SGCG: variants seen among roughly 807,000 people sequenced by gnomAD.
SGCG encodes the protein sarcoglycan gamma.
In SGCG, 26 loss-of-function variants were observed where a neutral mutation model predicts 29.3. That is an observed-to-expected ratio of 0.89 (90% CI 0.65 to 1.23). The LOEUF (loss-of-function observed/expected upper bound fraction) is 1.23, where lower values mean the gene tolerates loss of function less well. SGCG is among the 50% of genes most tolerant of loss of function. The pLI, the probability that SGCG is intolerant of heterozygous loss-of-function variation, is 0.00. For synonymous variants in SGCG, 145 were observed against 129.7 expected (o/e 1.12, Z -0.80); for missense variants, 353 against 356.0 (o/e 0.99, Z 0.07).
intron 4 of SGCG, among the ~76,000 whole-genome samples, chr13:23,255,532 T>C (rs528905360): frequency 2.0e-5 from 3 of 152,194 alleles, no homozygotes; most frequent in African/African-American, 7.2e-5. Context: ...AAGAGTGATA[T>C]GGTTTGAATA....
Position 23,186,596 on chromosome 13 carries a change from G to A in SGCG, c.-1+5521G>A, listed in dbSNP as rs374718955. ...ATATATCCTATCCACTGGGGATGGA[G>A]CGCCATAATGGTCATTGATTTTGGA... On this transcript the variant is annotated intron_variant, in intron 1 of 7. Transcript: ENST00000218867. Among the ~76,000 whole-genome samples, 7 of 152,308 alleles carry A rather than the reference G, an allele frequency of 4.6e-5. No homozygotes were observed. In the East Asian group the frequency reaches 7.7e-4, roughly 17 times the overall value.
At chr13:23,271,046 T>C (rs1267294909) in intron 4 of SGCG, among the ~76,000 whole-genome samples, 1 of 152,050 alleles carries the variant, frequency 6.6e-6, no homozygotes, top group East Asian at 1.9e-4. Context: ...ACCCCGTCTC[T>C]ATTAAAAATA....
At chr13:23,267,833 A>C (rs1454716746) in intron 4 of SGCG, 1 of 152,196 alleles carries the variant, frequency 6.6e-6, no homozygotes, top group Non-Finnish European at 1.5e-5. Context: ...GCTGCTTTGA[A>C]ATTCTTCTAA....
At chr13:23,265,002 T>C (rs1177835292) in intron 4 of SGCG, among the ~76,000 whole-genome samples, 1 of 152,084 alleles carries the variant, frequency 6.6e-6, no homozygotes, top group Non-Finnish European at 1.5e-5. Flanking sequence ...TAGAAAACTC[T>C]TCTGGACAAT....
chr13:23,234,753 AAT>A, intron 3 of SGCG, 41 bp downstream of exon 3: 2 of 1,369,966 alleles, frequency 1.5e-6, no homozygotes, highest in Non-Finnish European at 2.1e-6. Flanking sequence ...CTTTATGAAA[AAT>A]AAATCATGTT....
At chr13:23,181,895 G>A (rs891245061) in intron 1 of SGCG, among the ~76,000 whole-genome samples, 11 of 152,170 alleles carry the variant, frequency 7.2e-5, no homozygotes, top group African/African-American at 1.2e-4. Flanking sequence ...GGAATACACC[G>A]TTTGTTTTTT....
At chr13:23,198,754 G>A (rs961596848) in intron 1 of SGCG, among the ~76,000 whole-genome samples, 1 of 151,734 alleles carries the variant, frequency 6.6e-6, no homozygotes, top group Non-Finnish European at 1.5e-5. Flanking sequence ...GCTGAGGCAG[G>A]AGAATCGCTT....
upstream of SGCG, among the ~76,000 whole-genome samples, chr13:23,179,004 C>T (rs978189772): frequency 1.3e-5 from 2 of 152,142 alleles, no homozygotes; most frequent in African/African-American, 4.8e-5. Flanking sequence ...GGTTGGAGCA[C>T]GTTTACAGTG....
chr13:23,223,922 C>T (rs4375523), intron 2 of SGCG, among the ~76,000 whole-genome samples: 13,990 of 152,032 alleles, frequency 0.092, 852 homozygotes, highest in South Asian at 0.2. Flanking sequence ...GCTGAGATCA[C>T]GCCATTGCAT....
intron 1 of SGCG, among the ~76,000 whole-genome samples, chr13:23,188,311 CTTTTTTTTTTTTTTTT>C (rs71100159): frequency 5.1e-5 from 4 of 78,348 alleles, no homozygotes; most frequent in Admixed American, 1.7e-4. Flanking sequence ...TTTACTAAGG[CTTTTTTTTTTTTTTTT>C]TTTTTTTTTT....
intron 6 of SGCG, among the ~76,000 whole-genome samples, chr13:23,312,616 G>A (rs1231512723): frequency 1.3e-5 from 2 of 152,152 alleles, no homozygotes; most frequent in Non-Finnish European, 2.9e-5. Context: ...GGAGGATCAG[G>A]GGGTGAGGGA....
At chr13:23,269,535 C>A (rs957304406) in intron 4 of SGCG, among the ~76,000 whole-genome samples, 1 of 152,154 alleles carries the variant, frequency 6.6e-6, no homozygotes, top group African/African-American at 2.4e-5. Flanking sequence ...GTTTATCCAT[C>A]CTCCATTTCA....
intron 4 of SGCG, among the ~76,000 whole-genome samples, chr13:23,275,878 T>A (rs1205837949): frequency 6.6e-6 from 1 of 152,192 alleles, no homozygotes; most frequent in Non-Finnish European, 1.5e-5. Context: ...TGTTTCTAAA[T>A]GATTTTATTT....
At chr13:23,292,119 C>CTTTTTTTTTTTT (rs71100167) in intron 5 of SGCG, among the ~76,000 whole-genome samples, 11 of 147,540 alleles carry the variant, frequency 7.5e-5, no homozygotes, top group South Asian at 4.3e-4. Context: ...ACATTTCTTT[C>CTTTTTTTTTTTT]TTTTTTTTGA....
intron 4 of SGCG, among the ~76,000 whole-genome samples, chr13:23,272,828 T>G (rs1164327067): frequency 1.3e-5 from 2 of 152,182 alleles, no homozygotes; most frequent in African/African-American, 4.8e-5. Flanking sequence ...TTTAATGAGA[T>G]CAATTTTAGC....
At chr13:23,304,610 C>T (rs150099422) in intron 6 of SGCG, among the ~76,000 whole-genome samples, 4,745 of 150,066 alleles carry the variant, frequency 0.032, 129 homozygotes, top group Non-Finnish European at 0.05. Context: ...TTTTTGGCGG[C>T]GGGGAGGGGA....
At chr13:23,161,920 C>T in the SGCG span, among the ~76,000 whole-genome samples, 2 of 152,304 alleles carry the variant, frequency 1.3e-5, no homozygotes, top group South Asian at 4.1e-4. Context: ...CACTTAACAC[C>T]GTGGCCTCAC....
At chr13:23,171,447 T>G in the SGCG span, among the ~76,000 whole-genome samples, 1 of 152,144 alleles carries the variant, frequency 6.6e-6, no homozygotes, top group Non-Finnish European at 1.5e-5. Flanking sequence ...TAAGGAAAGA[T>G]AGAGAACAGA....
chr13:23,224,680 A>ACACACACACACACC (rs1433903594), intron 2 of SGCG, among the ~76,000 whole-genome samples: 160 of 150,662 alleles, frequency 1.1e-3, no homozygotes, highest in African/African-American at 3.6e-3. Flanking sequence ...ACACACACAC[A>ACACACACACACACC]CCCCACACCA....
Sources: gnomAD v4.1 joint callset for allele counts (sites outside exome capture counted in the v4.1 genomes callset) on GRCh38, gnomAD v4.1.1 for gene constraint, MANE v1.5 for transcripts, NCBI Gene and HGNC (gene_info 2026-07-23, HGNC 2026-07-21) for gene names.